The following TAFA1 variants were observed in gnomAD, a reference collection of about 807,000 sequenced individuals.
TAFA1 encodes the protein chemokine-like protein TAFA-1.
TAFA1 carries 4 observed loss-of-function variants against 18.5 expected under a neutral mutation model. The observed-to-expected ratio is 0.22, with a 90% confidence interval of 0.11 to 0.49. The LOEUF is 0.49. Among genes scored for constraint, TAFA1 ranks in the 20% least tolerant of loss-of-function variants. TAFA1 has a pLI of 0.98. For missense variants in TAFA1, 147 were observed against 169.0 expected, an observed-to-expected ratio of 0.87 and a Z score of 0.72; for synonymous variants, 56 against 55.2, an observed-to-expected ratio of 1.01 and a Z score of -0.06.
chr3:68,365,001 T>A (rs1385874119), intron 2 of TAFA1, among the ~76,000 whole-genome samples: 1 of 152,204 alleles, frequency 6.6e-6, no homozygotes, highest in African/African-American at 2.4e-5. Flanking sequence ...TCGGCTTGTC[T>A]GTAAGGGACC....
At chr3:68,453,805 T>C (rs2071608181) in intron 3 of TAFA1, among the ~76,000 whole-genome samples, 1 of 152,194 alleles carries the variant, frequency 6.6e-6, no homozygotes, top group Non-Finnish European at 1.5e-5. Context: ...AGCTACAAGG[T>C]TTACATTGCA....
intron 2 of TAFA1, among the ~76,000 whole-genome samples, chr3:68,336,018 G>A (rs1353084568): frequency 1.3e-5 from 2 of 152,072 alleles, no homozygotes; most frequent in Admixed American, 6.6e-5. Context: ...AGAAAGAGGC[G>A]AGCCTTGGAG....
At chr3:68,509,991 A>G (rs1426660948) in intron 3 of TAFA1, among the ~76,000 whole-genome samples, 1 of 152,188 alleles carries the variant, frequency 6.6e-6, no homozygotes, top group East Asian at 1.9e-4. Flanking sequence ...TCCCAATTTT[A>G]AGTCCCCATT....
In TAFA1 at chr3:68,484,870, T is replaced by C. The variant is rs377124173; in HGVS notation, c.260-53886T>C. Among the ~76,000 whole-genome samples the C allele has an allele frequency of 2.0e-5, 3 of 152,336 alleles. No homozygotes were observed. The East Asian group carries it at 5.8e-4, about 29-fold the overall frequency. ...GATGCTACAGTATTTTCAGTTTAAA[T>C]AGAAACTTTAAATAAATTGGATTTA... is the stretch of plus-strand genomic sequence containing the variant. On this transcript the variant is annotated intron_variant, in intron 3 of 4. Coordinates refer to ENST00000478136, the MANE Select transcript of TAFA1 (RefSeq NM_213609.4).
intron 3 of TAFA1, among the ~76,000 whole-genome samples, chr3:68,459,795 A>G (rs1363689493): frequency 6.6e-6 from 1 of 152,238 alleles, no homozygotes; most frequent in African/African-American, 2.4e-5. Context: ...CCCCAGTGAA[A>G]GAAAAGAAAT....
At chr3:68,348,564 G>A (rs2069207088) in intron 2 of TAFA1, among the ~76,000 whole-genome samples, 1 of 152,152 alleles carries the variant, frequency 6.6e-6, no homozygotes. Context: ...CATTTCAGAT[G>A]TTAGAGGAGG....
chr3:68,293,640 G>A (rs141432663), intron 2 of TAFA1, among the ~76,000 whole-genome samples: 2 of 152,298 alleles, frequency 1.3e-5, no homozygotes, highest in South Asian at 2.1e-4. Context: ...TCAGGACTTA[G>A]CATGGTGCCT....
In TAFA1 at chr3:68,496,078, C is replaced by G. The variant is rs2072544483; in HGVS notation, c.260-42678C>G. Among the ~76,000 whole-genome samples the G allele has an allele frequency of 2.0e-5, 3 of 147,290 alleles. No individual in the cohort carries two copies. The South Asian group carries it at 6.6e-4, about 32-fold the overall frequency. On this transcript the variant is annotated intron_variant, in intron 3 of 4. Coordinates refer to ENST00000478136, the MANE Select transcript of TAFA1 (RefSeq NM_213609.4). ...AAATATCACTGTGTCTGTGGTTTGG[C>G]TAAAGGATACCAAAAGTTGTTCCCT...
intron 3 of TAFA1, among the ~76,000 whole-genome samples, chr3:68,437,226 T>C (rs967324231): frequency 2.0e-5 from 3 of 152,158 alleles, no homozygotes; most frequent in African/African-American, 7.2e-5. Flanking sequence ...AGATTTAGAA[T>C]GTTCCCAGCT....
intron 3 of TAFA1, among the ~76,000 whole-genome samples, chr3:68,441,109 C>G (rs2071370075): frequency 6.6e-6 from 1 of 152,172 alleles, no homozygotes; most frequent in Non-Finnish European, 1.5e-5. Context: ...GAAAGAAACA[C>G]AAGGCCTAGT....
chr3:68,437,431 A>C (rs540345168), intron 3 of TAFA1, among the ~76,000 whole-genome samples: 1 of 152,272 alleles, frequency 6.6e-6, no homozygotes, highest in African/African-American at 2.4e-5. Context: ...TTAATTTATA[A>C]ATAAAATTAT....
At chr3:68,078,244 T>A (rs956448143) in intron 2 of TAFA1, among the ~76,000 whole-genome samples, 1 of 152,258 alleles carries the variant, frequency 6.6e-6, no homozygotes, top group East Asian at 1.9e-4. Flanking sequence ...TATACAATCA[T>A]GTCATCTGCA....
intron 3 of TAFA1, among the ~76,000 whole-genome samples, chr3:68,461,360 C>CGTAT (rs1553693191): frequency 9.4e-6 from 1 of 106,624 alleles, no homozygotes. Flanking sequence ...AATGAAAGTG[C>CGTAT]ATATATATAT....
chr3:68,099,173 A>G (rs2065120026), intron 2 of TAFA1, among the ~76,000 whole-genome samples: 1 of 152,178 alleles, frequency 6.6e-6, no homozygotes, highest in Middle Eastern at 3.2e-3. Context: ...AATTAAACTA[A>G]AGAGCTTCTG....
At chr3:68,423,748 G>A (rs1163373479) in intron 3 of TAFA1, among the ~76,000 whole-genome samples, 1 of 149,190 alleles carries the variant, frequency 6.7e-6, no homozygotes, top group Non-Finnish European at 1.5e-5. Context: ...TTGTTGTCTT[G>A]TAATTTTTAT....
chr3:68,204,969 A>G (rs931949140), intron 2 of TAFA1, among the ~76,000 whole-genome samples: 6 of 151,848 alleles, frequency 4.0e-5, no homozygotes, highest in Admixed American at 1.3e-4. Context: ...AGTAAATCAT[A>G]TCCTATTATA....
At chr3:68,299,334 C>G (rs1428399000) in intron 2 of TAFA1, among the ~76,000 whole-genome samples, 1 of 152,210 alleles carries the variant, frequency 6.6e-6, no homozygotes, top group Non-Finnish European at 1.5e-5. Flanking sequence ...CTCTAGAGAT[C>G]TGTGAACTTT....
chr3:68,228,813 A>G (rs2066835009), intron 2 of TAFA1, among the ~76,000 whole-genome samples: 1 of 152,230 alleles, frequency 6.6e-6, no homozygotes, highest in South Asian at 2.1e-4. Flanking sequence ...TGAACTTGCA[A>G]GTGAAACAGA....
chr3:68,317,243 C>A (rs539108635), intron 2 of TAFA1, among the ~76,000 whole-genome samples: 354 of 152,100 alleles, frequency 2.3e-3, no homozygotes, highest in Admixed American at 6.1e-3. Context: ...TTACAGAGAC[C>A]CCTTTCTTCA....
Sources: allele counts gnomAD v4.1 joint callset (sites outside exome capture counted in the v4.1 genomes callset), GRCh38; gene constraint gnomAD v4.1.1; transcripts MANE v1.5; gene names NCBI Gene and HGNC (gene_info 2026-07-23, HGNC 2026-07-21).